Variants in SCMH1 observed in about 807,000 individuals in gnomAD.
The protein encoded by SCMH1 is Scm polycomb group protein homolog 1.
SCMH1 carries 37 observed loss-of-function variants against 70.8 expected under a neutral mutation model. The observed-to-expected ratio is 0.52, with a 90% CI of 0.40 to 0.69. SCMH1 has a LOEUF of 0.69. SCMH1 is among the 30% of genes least tolerant of loss of function. The pLI is 0.00. For missense variants in SCMH1, 607 were observed against 827.3 expected, an observed-to-expected ratio of 0.73 and a Z score of 3.27; for synonymous variants, 292 against 307.4, an observed-to-expected ratio of 0.95 and a Z score of 0.52.
intron 8 of SCMH1, among the ~76,000 whole-genome samples, chr1:41,108,079 G>A (rs931502344): frequency 6.6e-6 from 1 of 152,036 alleles, no homozygotes; most frequent in Non-Finnish European, 1.5e-5. Context: ...GAAACCTGTC[G>A]CAGGTAGAAA....
At chr1:41,121,173 T>C (rs1230684141) in intron 6 of SCMH1, among the ~76,000 whole-genome samples, 1 of 151,046 alleles carries the variant, frequency 6.6e-6, no homozygotes, top group Non-Finnish European at 1.5e-5. Context: ...GGCTAATACA[T>C]GCAAAGGACT....
chr1:41,170,272 G>A (rs193229469), intron 2 of SCMH1, among the ~76,000 whole-genome samples: 1 of 152,200 alleles, frequency 6.6e-6, no homozygotes, highest in South Asian at 2.1e-4. Flanking sequence ...TATATGTGGG[G>A]TTAAAACCCT....
chr1:41,028,270 T>A lies in SCMH1; in HGVS notation c.1871A>T (p.Lys624Met), dbSNP rs764180975. 1.9e-5 allele frequency: 31 copies of A among 1,614,022 alleles called. No homozygotes were observed. The highest frequency in any genetic ancestry group is 2.5e-5 in the Non-Finnish European group (29 of 1,180,018). The stretch of plus-strand genomic sequence containing the variant: ...AGGCCCCAGCTTCAGGCCCATGTAC[T>A]TCATCATCATGTCACTGCGCAGCAG... The change falls in exon 15 of 15, where the codon AAG becomes ATG. Residue 624 changes from lysine to methionine, a missense_variant. Transcript: ENST00000337495.
At chr1:41,087,407 A>G (rs1263871098) in intron 8 of SCMH1, among the ~76,000 whole-genome samples, 1 of 152,080 alleles carries the variant, frequency 6.6e-6, no homozygotes, top group Non-Finnish European at 1.5e-5. Context: ...TATTTACGAT[A>G]TATGTTACAA....
intron 10 of SCMH1, among the ~76,000 whole-genome samples, chr1:41,050,251 C>G (rs1647588973): frequency 6.6e-6 from 1 of 152,186 alleles, no homozygotes. Context: ...ATTTTCTCCT[C>G]CATCTGCTTT....
At chr1:41,213,795 CTT>C (rs1657543629) in intron 1 of SCMH1, among the ~76,000 whole-genome samples, 1 of 152,068 alleles carries the variant, frequency 6.6e-6, no homozygotes, top group Admixed American at 6.6e-5. Flanking sequence ...ATGCTTTTCT[CTT>C]GTTAATATGT....
chr1:41,216,294 T>A (rs572576705), intron 1 of SCMH1, among the ~76,000 whole-genome samples: 2 of 152,252 alleles, frequency 1.3e-5, no homozygotes, highest in Non-Finnish European at 2.9e-5. Flanking sequence ...TAAGTATAAC[T>A]CCTCATTAAG....
At chr1:41,063,367 G>C (rs939445831) in intron 10 of SCMH1, among the ~76,000 whole-genome samples, 6 of 152,030 alleles carry the variant, frequency 3.9e-5, no homozygotes, top group South Asian at 2.1e-4. Context: ...CAGCTACTTA[G>C]GAGGCTGAGG....
intron 1 of SCMH1, among the ~76,000 whole-genome samples, chr1:41,198,914 T>A (rs1653659565): frequency 6.6e-6 from 1 of 152,202 alleles, no homozygotes; most frequent in Admixed American, 6.5e-5. Flanking sequence ...CAATTTCACC[T>A]TGCCTGACTG....
intron 1 of SCMH1, among the ~76,000 whole-genome samples, chr1:41,195,936 G>T (rs1652915535): frequency 6.6e-6 from 1 of 151,834 alleles, no homozygotes; most frequent in Non-Finnish European, 1.5e-5. Context: ...AGTGTGCAAA[G>T]AAAATTAAGA....
At chr1:41,161,925 G>A (rs1286327883) in intron 2 of SCMH1, among the ~76,000 whole-genome samples, 5 of 152,190 alleles carry the variant, frequency 3.3e-5, no homozygotes, top group African/African-American at 7.2e-5. Flanking sequence ...TGATGGCAGC[G>A]GTGGGCCATC....
At position 41,034,065 on chromosome 1, in the gene SCMH1, T is replaced by C; in HGVS notation, c.1678+3297A>G. 3.8e-6 allele frequency: 6 copies of C among 1,597,734 alleles called. No homozygotes were observed. Among genetic ancestry groups the C allele is most frequent in the Non-Finnish European group, 5.1e-6 (6 of 1,171,438 alleles). Reference sequence around the variant, plus strand: ...TTAACACTCCTGTGGAAAGACCAGGTTGGTGTCACCATCTCCAGTTTGCAC... The same window carrying C: ...TTAACACTCCTGTGGAAAGACCAGGCTGGTGTCACCATCTCCAGTTTGCAC... On this transcript the variant is annotated intron_variant, in intron 13 of 14. Transcript: ENST00000337495.
At chr1:41,182,131 T>C (rs1345372425) in intron 2 of SCMH1, among the ~76,000 whole-genome samples, 2 of 152,096 alleles carry the variant, frequency 1.3e-5, no homozygotes, top group East Asian at 1.9e-4. Flanking sequence ...TTCTCACTCA[T>C]AGGTGGGAAT....
intron 13 of SCMH1, among the ~76,000 whole-genome samples, chr1:41,028,967 C>T (rs913792139): frequency 1.3e-5 from 2 of 152,042 alleles, no homozygotes; most frequent in Admixed American, 6.6e-5. Context: ...TGCATTGAGG[C>T]TATGATTCAG....
At chr1:41,164,700 C>T (rs118080583) in intron 2 of SCMH1, among the ~76,000 whole-genome samples, 1 of 152,234 alleles carries the variant, frequency 6.6e-6, no homozygotes, top group East Asian at 1.9e-4. Context: ...CAGAGTCTCT[C>T]ATCCTCTCAA....
At position 41,140,834 on chromosome 1, in the gene SCMH1, A is replaced by G. The variant is rs2102098; in HGVS notation, c.412+2044T>C. 3.0e-4 allele frequency among the ~76,000 whole-genome samples: 45 copies of G among 152,330 alleles called. No individual in the cohort carries two copies. In the Middle Eastern group the frequency reaches 0.01, roughly 35 times the overall value. On this transcript the variant is annotated intron_variant, in intron 6 of 14. Coordinates refer to ENST00000337495, the Ensembl canonical transcript of SCMH1. Reference sequence around the variant, plus strand: ...CCAAGAGAGCTATCAAATAGTATCAAACAGTATATAAAAGAGTCAGGAGAC... The same window carrying G: ...CCAAGAGAGCTATCAAATAGTATCAGACAGTATATAAAAGAGTCAGGAGAC...
intron 5 of SCMH1, among the ~76,000 whole-genome samples, chr1:41,150,973 T>A (rs906326911): frequency 1.3e-5 from 2 of 150,130 alleles, no homozygotes; most frequent in African/African-American, 4.9e-5. Flanking sequence ...CAGACAAAAT[T>A]CAAACTCAAC....
chr1:41,176,395 C>T (rs944184317), intron 2 of SCMH1, among the ~76,000 whole-genome samples: 1 of 152,140 alleles, frequency 6.6e-6, no homozygotes, highest in Non-Finnish European at 1.5e-5. Flanking sequence ...GAGTGTCGGA[C>T]AGTGGGTGCA....
intron 6 of SCMH1, among the ~76,000 whole-genome samples, chr1:41,122,967 C>A (rs953348693): frequency 6.6e-6 from 1 of 152,134 alleles, no homozygotes; most frequent in South Asian, 2.1e-4. Flanking sequence ...CACCTGTAAT[C>A]GCAGCATTTT....
Sources: allele counts gnomAD v4.1 joint callset (sites outside exome capture counted in the v4.1 genomes callset), GRCh38; gene constraint gnomAD v4.1.1; transcripts MANE v1.5; gene names NCBI Gene and HGNC (gene_info 2026-07-23, HGNC 2026-07-21).